The following ATP13A5 variants were observed in gnomAD, a reference collection of about 807,000 sequenced individuals.
ATP13A5 encodes probable cation-transporting ATPase 13A5.
Under a neutral mutation model 150.2 loss-of-function variants are expected in ATP13A5, and 149 were observed. The observed-to-expected ratio is 0.99, with a 90% CI of 0.87 to 1.14. The LOEUF is 1.14. Among genes scored for constraint, ATP13A5 ranks in the 50% most tolerant of loss-of-function variants. The probability of loss-of-function intolerance (pLI) is 0.00; values close to 1 mark genes in which losing one functional copy is unlikely to be tolerated. For synonymous variants in ATP13A5, 497 were observed against 522.2 expected, an observed-to-expected ratio of 0.95 and a Z score of 0.66; for missense variants, 1,383 against 1,449.3, an observed-to-expected ratio of 0.95 and a Z score of 0.74.
chr3:193,372,348 T>C (rs1375736016), intron 1 of ATP13A5: 1 of 150,300 alleles, frequency 6.7e-6, no homozygotes, highest in Non-Finnish European at 1.5e-5. Flanking sequence ...TAAATATGGC[T>C]GGAATCTACC....
intron 5 of ATP13A5, among the ~76,000 whole-genome samples, chr3:193,354,829 ACAATAGTC>A (rs551609520): frequency 1.7e-3 from 261 of 152,042 alleles, no homozygotes; most frequent in Non-Finnish European, 3.1e-3. Context: ...TTTGATCCTC[ACAATAGTC>A]CAAAGGAAAG....
intron 22 of ATP13A5, 50 bp from the exon 23 acceptor site, chr3:193,305,718 A>C: frequency 6.9e-7 from 1 of 1,445,092 alleles, no homozygotes; most frequent in Non-Finnish European, 9.7e-7. Flanking sequence ...GTTAGGCTTT[A>C]CCTCTTAAAA....
Position 193,327,002 on chromosome 3 carries a change from T to C in ATP13A5, c.1517A>G (p.Asp506Gly). 6.2e-7 allele frequency: 1 copy of C among 1,613,880 alleles called. No individual in the cohort carries two copies. Among genetic ancestry groups the C allele is most frequent in the Non-Finnish European group, 8.5e-7 (1 of 1,179,868 alleles). The change falls in exon 13 of 30, where the codon GAC becomes GGC. Residue 506 changes from aspartate to glycine, a missense_variant. Asp to Gly is a moderately conservative substitution (Grantham distance 94). Transcript: ENST00000342358. The stretch of plus-strand genomic sequence containing the variant: ...TTTCACATAAGAGGCCTACCAGTTG[T>C]CAGCAGTAGGGACAGTCCCCCAGAG... ...LDLWGTVPTA[D>G]NCFQEAHSFA...
At position 193,363,487 on chromosome 3, in the gene ATP13A5, G is replaced by A. The variant is rs75642018; in HGVS notation, c.238-105C>T. The A allele has an allele frequency of 1.2e-3, 1,247 of 1,028,440 alleles. 1 individual carries two copies. Among genetic ancestry groups the A allele is most frequent in the Non-Finnish European group, 1.6e-3 (1,158 of 713,460 alleles). 63.7% of individuals were successfully genotyped at this position (1,028,440 alleles called of 1,614,324 possible). ...GTACAAAACTTTGACCCAAACAAGC[G>A]CATCAGCTTTATCTCAGAACTTAGT... On this transcript the variant is annotated intron_variant, in intron 2 of 29. Coordinates refer to ENST00000342358, the MANE Select transcript of ATP13A5 (RefSeq NM_198505.4).
chr3:193,311,096 G>C (rs1718828678), intron 20 of ATP13A5, among the ~76,000 whole-genome samples: 1 of 152,184 alleles, frequency 6.6e-6, no homozygotes, highest in Admixed American at 6.5e-5. Flanking sequence ...TGGAAGCTGA[G>C]AAACAAGGCT....
In ATP13A5 at chr3:193,321,759, G is replaced by A. The variant is rs751641986; in HGVS notation, c.1837C>T (p.Leu613=). 6.2e-7 allele frequency: 1 copy of A among 1,614,204 alleles called. No individual in the cohort carries two copies. Among genetic ancestry groups the A allele is most frequent in the South Asian group, 1.1e-5 (1 of 91,086 alleles). The change falls in exon 16 of 30, where the codon CTA becomes TTA. Residue 613 remains leucine (L), a synonymous_variant. Coordinates refer to ENST00000342358, the MANE Select transcript of ATP13A5 (RefSeq NM_198505.4). ...ACATGGAAATGATTCTCCCCAGCTA[G>A]CTGAGCGATCACGGACATCCTCTGC... The part of the protein sequence containing the change: ...SLQRMSVIAQ[L]AGENHFHVYM...
At chr3:193,359,293 G>A (rs1712911915) in intron 5 of ATP13A5, among the ~76,000 whole-genome samples, 1 of 152,078 alleles carries the variant, frequency 6.6e-6, no homozygotes, top group Non-Finnish European at 1.5e-5. Context: ...AGGGGATAGA[G>A]GTCACGGTAT....
intron 25 of ATP13A5, among the ~76,000 whole-genome samples, chr3:193,292,165 C>G (rs929995202): frequency 1.3e-5 from 2 of 152,044 alleles, no homozygotes. Context: ...AAGGGGTACA[C>G]AGTGTGGACT....
In ATP13A5 at chr3:193,278,051, G is replaced by A. The variant is rs6769185; in HGVS notation, c.3316-1221C>T. Among the ~76,000 whole-genome samples the A allele has an allele frequency of 1.5e-3, 225 of 152,180 alleles. 2 individuals are homozygous for A. Among genetic ancestry groups the A allele is most frequent in the African/African-American group, 5.1e-3 (210 of 41,510 alleles). On this transcript the variant is annotated intron_variant, in intron 28 of 29. Transcript: ENST00000342358. ...ACTCCTGACCTCAAGTGATCCACCC[G>A]CCTTGGCCTCCTAGAGTGCAGGGAT... is the stretch of plus-strand genomic sequence containing the variant.
chr3:193,284,809 A>T, intron 27 of ATP13A5, 105 bp downstream of exon 27: 1 of 967,324 alleles, frequency 1.0e-6, no homozygotes, highest in Non-Finnish European at 1.5e-6. Context: ...GAGTCATGCA[A>T]TTGTTTCTTC....
At chr3:193,292,256 T>G (rs1170749626) in intron 25 of ATP13A5, among the ~76,000 whole-genome samples, 2 of 152,148 alleles carry the variant, frequency 1.3e-5, no homozygotes, top group Middle Eastern at 3.2e-3. Context: ...TGGAGTTCTC[T>G]CTGTATTCCA....
At chr3:193,306,417 G>A (rs996937286) in intron 22 of ATP13A5, among the ~76,000 whole-genome samples, 4 of 151,954 alleles carry the variant, frequency 2.6e-5, no homozygotes, top group African/African-American at 4.8e-5. Flanking sequence ...GAGAGGATAC[G>A]TATTCTAGAT....
intron 9 of ATP13A5, among the ~76,000 whole-genome samples, chr3:193,335,396 C>T (rs1231015738): frequency 6.6e-6 from 1 of 152,212 alleles, no homozygotes; most frequent in Admixed American, 6.5e-5. Flanking sequence ...TTCTCCCAAG[C>T]ATTCATTAAG....
intron 3 of ATP13A5, 89 bp from the exon 4 acceptor site, chr3:193,362,726 C>T: frequency 1.8e-6 from 2 of 1,109,996 alleles, no homozygotes; most frequent in Non-Finnish European, 2.7e-6. Context: ...GATGCAGATC[C>T]CCTTGTGGGT....
chr3:193,309,882 A>G (rs904764906), intron 21 of ATP13A5, among the ~76,000 whole-genome samples: 10 of 151,798 alleles, frequency 6.6e-5, no homozygotes, highest in African/African-American at 2.4e-4. Flanking sequence ...TTAAACTTTT[A>G]TTTTAGGTTT....
chr3:193,322,750 G>A (rs1719330469), intron 14 of ATP13A5, among the ~76,000 whole-genome samples, 176 bp from the exon 15 acceptor site: 2 of 152,006 alleles, frequency 1.3e-5, no homozygotes, highest in Admixed American at 1.3e-4. Context: ...TTTATATTAG[G>A]GGCCTTATTG....
At chr3:193,362,099 A>AT (rs1713028627) in intron 5 of ATP13A5, among the ~76,000 whole-genome samples, 1 of 152,186 alleles carries the variant, frequency 6.6e-6, no homozygotes, top group South Asian at 2.1e-4. Context: ...ATGACTCAAG[A>AT]TTTTTTTAAG....
intron 25 of ATP13A5, among the ~76,000 whole-genome samples, chr3:193,292,508 G>A (rs1302170321): frequency 6.6e-6 from 1 of 152,150 alleles, no homozygotes; most frequent in African/African-American, 2.4e-5. Context: ...TCTGGCCAAA[G>A]AGATGTTAGC....
chr3:193,370,724 C>T (rs1183949775), intron 1 of ATP13A5, among the ~76,000 whole-genome samples: 10 of 152,092 alleles, frequency 6.6e-5, no homozygotes, highest in Non-Finnish European at 1.5e-4. Context: ...TGATAAAATC[C>T]TTCTGAGTAC....
Sources: gnomAD v4.1 joint callset for allele counts (sites outside exome capture counted in the v4.1 genomes callset) on GRCh38, gnomAD v4.1.1 for gene constraint, MANE v1.5 for transcripts, NCBI Gene and HGNC (gene_info 2026-07-23, HGNC 2026-07-21) for gene names.